MED13L: variants seen among roughly 807,000 people sequenced by gnomAD.
MED13L encodes mediator complex subunit 13L.
Under a neutral mutation model 220.9 loss-of-function variants are expected in MED13L, and 7 were observed. The observed-to-expected ratio is 0.03, with a 90% confidence interval of 0.02 to 0.06. The LOEUF (loss-of-function observed/expected upper bound fraction) is 0.06. MED13L is among the 10% of genes least tolerant of loss of function. The probability of loss-of-function intolerance (pLI) is 1.00; values close to 1 mark genes in which losing one functional copy is unlikely to be tolerated. For missense variants in MED13L, 1,965 were observed against 2,760.5 expected, an observed-to-expected ratio of 0.71 and a Z score of 6.46; for synonymous variants, 1,011 against 1,015.2, an observed-to-expected ratio of 1.00 and a Z score of 0.08.
chr12:116,083,727 G>A (rs1050496326), intron 4 of MED13L, among the ~76,000 whole-genome samples: 6 of 152,182 alleles, frequency 3.9e-5, no homozygotes, highest in African/African-American at 1.4e-4. Flanking sequence ...AGAATTCTGA[G>A]CATTTATCAT....
At chr12:116,227,128 G>A (rs1869086092) in intron 2 of MED13L, among the ~76,000 whole-genome samples, 1 of 152,090 alleles carries the variant, frequency 6.6e-6, no homozygotes, top group Non-Finnish European at 1.5e-5. Context: ...CATCAGTTTA[G>A]TCTATTATAC....
intron 14 of MED13L, among the ~76,000 whole-genome samples, chr12:115,999,553 T>C (rs1001443827): frequency 6.6e-6 from 1 of 152,208 alleles, no homozygotes; most frequent in Non-Finnish European, 1.5e-5. Flanking sequence ...CAAAGTCACA[T>C]TGCCATAAAT....
intron 4 of MED13L, among the ~76,000 whole-genome samples, chr12:116,075,927 TTTTTG>T (rs1870755705): frequency 6.6e-6 from 1 of 150,974 alleles, no homozygotes; most frequent in East Asian, 1.9e-4. Context: ...TTTTTTTTTT[TTTTTG>T]AGACGGAGTC....
chr12:116,065,275 T>C (rs1036509886), intron 4 of MED13L, among the ~76,000 whole-genome samples: 33 of 152,280 alleles, frequency 2.2e-4, no homozygotes, highest in Non-Finnish European at 1.0e-4. Context: ...TGTGTGTATA[T>C]GTGTTTGAAA....
chr12:116,149,830 T>C (rs145651802), intron 2 of MED13L, among the ~76,000 whole-genome samples: 15 of 152,324 alleles, frequency 9.8e-5, no homozygotes, highest in Non-Finnish European at 1.8e-4. Context: ...TATGCCCCTA[T>C]AGTGCCTGCA....
intron 9 of MED13L, 49 bp from the exon 10 acceptor site, chr12:116,009,181 T>G: frequency 6.2e-7 from 1 of 1,606,416 alleles, no homozygotes; most frequent in South Asian, 1.1e-5. Context: ...AGAAAAGAGA[T>G]TCTCTGACAA....
chr12:116,213,376 G>C (rs1185258602), intron 2 of MED13L, among the ~76,000 whole-genome samples: 1 of 147,574 alleles, frequency 6.8e-6, no homozygotes, highest in African/African-American at 2.6e-5. Context: ...AAAATTATTT[G>C]CAAGTTTCTT....
intron 1 of MED13L, among the ~76,000 whole-genome samples, chr12:116,265,803 T>C (rs904350563): frequency 2.0e-5 from 3 of 152,188 alleles, no homozygotes; most frequent in Non-Finnish European, 2.9e-5. Flanking sequence ...TTCTCCTACA[T>C]ACCACCTCAA....
At chr12:116,147,903 C>T (rs1593100150) in intron 2 of MED13L, among the ~76,000 whole-genome samples, 1 of 150,222 alleles carries the variant, frequency 6.7e-6, no homozygotes, top group South Asian at 2.1e-4. Flanking sequence ...AAAAATTAGC[C>T]GGGCTTGGTG....
At chr12:116,087,165 T>G (rs1445273001) in intron 4 of MED13L, among the ~76,000 whole-genome samples, 1 of 152,208 alleles carries the variant, frequency 6.6e-6, no homozygotes, top group Non-Finnish European at 1.5e-5. Flanking sequence ...CCAGTTTCAC[T>G]ACTAATAGCA....
At chr12:116,050,559 T>C (rs1868397194) in intron 4 of MED13L, among the ~76,000 whole-genome samples, 1 of 152,128 alleles carries the variant, frequency 6.6e-6, no homozygotes, top group Non-Finnish European at 1.5e-5. Flanking sequence ...ACTTAGAAGA[T>C]GGTAATTCTT....
At chr12:116,036,204 A>C (rs1385006300) in intron 4 of MED13L, among the ~76,000 whole-genome samples, 1 of 152,250 alleles carries the variant, frequency 6.6e-6, no homozygotes, top group African/African-American at 2.4e-5. Context: ...ACTTTTCTTT[A>C]GAAAGTTTCA....
chr12:116,095,677 G>A (rs1324673454), intron 4 of MED13L, among the ~76,000 whole-genome samples: 2 of 152,118 alleles, frequency 1.3e-5, no homozygotes, highest in East Asian at 3.9e-4. Context: ...GGACACTTAG[G>A]GCAAGTACAC....
At chr12:116,089,906 T>G (rs1478306530) in intron 4 of MED13L, among the ~76,000 whole-genome samples, 1 of 152,208 alleles carries the variant, frequency 6.6e-6, no homozygotes, top group Non-Finnish European at 1.5e-5. Context: ...GTATGCCAAA[T>G]TTAGCTACAT....
intron 3 of MED13L, among the ~76,000 whole-genome samples, chr12:116,105,409 T>C (rs1873476744): frequency 6.6e-6 from 1 of 152,150 alleles, no homozygotes; most frequent in East Asian, 1.9e-4. Context: ...TTCTGTGCAT[T>C]TTTCCAACAA....
intron 4 of MED13L, among the ~76,000 whole-genome samples, chr12:116,041,767 G>A (rs538368808): frequency 2.1e-4 from 32 of 152,258 alleles, no homozygotes; most frequent in Middle Eastern, 6.8e-3. Flanking sequence ...CCCGAGAGCC[G>A]GAGATTGCAG....
At chr12:115,970,167 A>G (rs1297770668) in intron 27 of MED13L, among the ~76,000 whole-genome samples, 1 of 152,160 alleles carries the variant, frequency 6.6e-6, no homozygotes, top group Admixed American at 6.6e-5. Flanking sequence ...CTATTCAAAA[A>G]TTTCCATTAA....
At chr12:116,157,658 G>C (rs1878548865) in intron 2 of MED13L, among the ~76,000 whole-genome samples, 1 of 152,202 alleles carries the variant, frequency 6.6e-6, no homozygotes, top group Non-Finnish European at 1.5e-5. Context: ...GTTGAATAGT[G>C]AAGTTGTTTC....
intron 1 of MED13L, among the ~76,000 whole-genome samples, chr12:116,243,422 T>C (rs1222617529): frequency 1.3e-5 from 2 of 152,172 alleles, no homozygotes; most frequent in Admixed American, 6.5e-5. Flanking sequence ...GATACTCCCC[T>C]GGCCTAAACA....
Sources: gnomAD v4.1 joint callset for allele counts (sites outside exome capture counted in the v4.1 genomes callset) on GRCh38, gnomAD v4.1.1 for gene constraint, MANE v1.5 for transcripts, NCBI Gene and HGNC (gene_info 2026-07-23, HGNC 2026-07-21) for gene names.